Variants in HECW2 observed in about 807,000 individuals in gnomAD.
HECW2 encodes HECT, C2 and WW domain containing E3 ubiquitin protein ligase 2.
Under a neutral mutation model 175.2 loss-of-function variants are expected in HECW2, and 61 were observed. That is an observed-to-expected ratio of 0.35 (90% confidence interval 0.28 to 0.43). The LOEUF (loss-of-function observed/expected upper bound fraction) is 0.43, where lower values mean the gene tolerates loss of function less well. HECW2 is among the 20% of genes least tolerant of loss of function. HECW2 has a pLI of 1.00. For synonymous variants in HECW2, 671 were observed against 731.0 expected, an observed-to-expected ratio of 0.92 and a Z score of 1.32; for missense variants, 1,524 against 2,000.5, an observed-to-expected ratio of 0.76 and a Z score of 4.54.
intron 14 of HECW2, among the ~76,000 whole-genome samples, chr2:196,282,777 GTC>G (rs1690235305): frequency 6.6e-6 from 1 of 152,088 alleles, no homozygotes; most frequent in Admixed American, 6.5e-5. Flanking sequence ...CAGTCTTAAG[GTC>G]TCTGTGTTGG....
chr2:196,273,898 G>A (rs985652481), intron 16 of HECW2, 123 bp downstream of exon 16: 26 of 636,512 alleles, frequency 4.1e-5, no homozygotes, highest in Non-Finnish European at 5.5e-5. Flanking sequence ...TAAGGATAAT[G>A]CAGCAATTTC....
intron 1 of HECW2, among the ~76,000 whole-genome samples, chr2:196,540,366 T>C (rs1689169561): frequency 1.3e-5 from 2 of 152,230 alleles, no homozygotes; most frequent in South Asian, 4.1e-4. Flanking sequence ...GTCAATGACA[T>C]TGATCAGAAT....
At chr2:196,572,137 G>GAGGGACACA (rs1302138764) in intron 1 of HECW2, among the ~76,000 whole-genome samples, 4 of 152,156 alleles carry the variant, frequency 2.6e-5, no homozygotes, top group Non-Finnish European at 4.4e-5. Context: ...ACTGATGGAA[G>GAGGGACACA]AGGGACACAG....
At chr2:196,389,622 A>C (rs1193092881) in intron 2 of HECW2, among the ~76,000 whole-genome samples, 1 of 152,130 alleles carries the variant, frequency 6.6e-6, no homozygotes, top group African/African-American at 2.4e-5. Context: ...AAGAGTCTTG[A>C]CCTTGTCAGG....
intron 3 of HECW2, among the ~76,000 whole-genome samples, chr2:196,343,374 A>AT (rs925622794): frequency 7.3e-5 from 11 of 151,462 alleles, no homozygotes; most frequent in Middle Eastern, 3.4e-3. Context: ...ACAAAATGAC[A>AT]TTTTTTTTTC....
intron 2 of HECW2, chr2:196,362,126 A>C: frequency 5.1e-6 from 5 of 985,346 alleles, no homozygotes; most frequent in Non-Finnish European, 6.0e-6. Flanking sequence ...AATGACACTA[A>C]AAGCCACTCC....
At chr2:196,450,489 ATTTTT>A (rs34937207) in intron 1 of HECW2, among the ~76,000 whole-genome samples, 1 of 135,482 alleles carries the variant, frequency 7.4e-6, no homozygotes. Context: ...CAAATATCAG[ATTTTT>A]TTTTTTTTTT....
intron 1 of HECW2, among the ~76,000 whole-genome samples, chr2:196,473,310 C>A (rs1163621480): frequency 6.6e-6 from 1 of 152,210 alleles, no homozygotes; most frequent in Non-Finnish European, 1.5e-5. Flanking sequence ...AAAATCCTTT[C>A]AATTTCTAGG....
Position 196,247,657 on chromosome 2 carries a change from C to T in HECW2, c.3530-5453G>A, listed in dbSNP as rs1034373906. Among the ~76,000 whole-genome samples, 5 of 152,090 alleles carry T rather than the reference C, an allele frequency of 3.3e-5. No individual in the cohort carries two copies. The East Asian group carries it at 5.8e-4, about 18-fold the overall frequency. ...CTAAAGAACTTCTATATTGTGTTACCCTATTTTCATATACTGTTACAAAAT... is the reference window on the plus strand; with the variant it reads ...CTAAAGAACTTCTATATTGTGTTACTCTATTTTCATATACTGTTACAAAAT... On this transcript the variant is annotated intron_variant, in intron 19 of 28. Transcript: ENST00000644978.
chr2:196,412,665 C>T (rs924777987), intron 2 of HECW2, among the ~76,000 whole-genome samples: 66 of 152,346 alleles, frequency 4.3e-4, no homozygotes, highest in African/African-American at 1.5e-3. Context: ...GTCCCCTTCA[C>T]AATTACTGCC....
intron 13 of HECW2, among the ~76,000 whole-genome samples, chr2:196,293,826 G>T (rs1326599899): frequency 6.6e-6 from 1 of 152,138 alleles, no homozygotes; most frequent in Admixed American, 6.5e-5. Context: ...ACACTTAAGG[G>T]CCAAGTTGCA....
chr2:196,284,239 A>G (rs143780866), intron 14 of HECW2, among the ~76,000 whole-genome samples: 52 of 152,336 alleles, frequency 3.4e-4, no homozygotes, highest in Middle Eastern at 3.4e-3. Flanking sequence ...CATGCTCTAC[A>G]TACTGCGTCC....
At chr2:196,541,874 C>A (rs1689227783) in intron 1 of HECW2, among the ~76,000 whole-genome samples, 1 of 151,854 alleles carries the variant, frequency 6.6e-6, no homozygotes, top group South Asian at 2.1e-4. Context: ...CAAGAACTAT[C>A]TAAAGGAATA....
chr2:196,414,364 CA>C (rs1474299474), intron 2 of HECW2, among the ~76,000 whole-genome samples: 1 of 152,162 alleles, frequency 6.6e-6, no homozygotes, highest in Admixed American at 6.5e-5. Flanking sequence ...TCTCCATTTC[CA>C]ACTTGAAAAA....
intron 14 of HECW2, 146 bp downstream of exon 14, chr2:196,292,419 T>A: frequency 1.5e-6 from 1 of 668,546 alleles, no homozygotes. Flanking sequence ...ACAAACAACC[T>A]GCTGTCCAGG....
chr2:196,282,163 T>A (rs1690212616), intron 14 of HECW2, among the ~76,000 whole-genome samples: 1 of 152,210 alleles, frequency 6.6e-6, no homozygotes, highest in East Asian at 1.9e-4. Flanking sequence ...AGGCTCCTTG[T>A]AAGTATGTGT....
chr2:196,258,086 G>T lies in HECW2; in HGVS notation c.3336-180C>A. On this transcript the variant is annotated intron_variant, in intron 17 of 28. Transcript: ENST00000644978. ...GACATGGTCTTTGCCTTCAAGGGGG[G>T]GGATCTTGTAAGCATCAACACCTCC... is the stretch of plus-strand genomic sequence containing the variant. 3 of 562,100 alleles carry T rather than the reference G, an allele frequency of 5.3e-6. No individual in the cohort carries two copies. In the South Asian group the frequency reaches 6.9e-5, roughly 13 times the overall value. The allele number at this position is 562,100 out of a possible 1,614,324, so 34.8% of individuals were successfully genotyped here. A position where few individuals can be genotyped will look rare whatever the true frequency, so the allele number is the denominator to read the frequency against.
intron 2 of HECW2, among the ~76,000 whole-genome samples, chr2:196,413,833 C>T (rs1426238911): frequency 6.6e-6 from 1 of 152,202 alleles, no homozygotes; most frequent in Non-Finnish European, 1.5e-5. Flanking sequence ...TACAGTTACA[C>T]TGCCCACCCA....
At chr2:196,224,468 T>C (rs1179696532) in intron 23 of HECW2, among the ~76,000 whole-genome samples, 1 of 151,910 alleles carries the variant, frequency 6.6e-6, no homozygotes, top group East Asian at 1.9e-4. Flanking sequence ...TGATAGAAGC[T>C]TCAGGTACAC....
Sources: gnomAD v4.1 joint callset for allele counts (sites outside exome capture counted in the v4.1 genomes callset) on GRCh38, gnomAD v4.1.1 for gene constraint, MANE v1.5 for transcripts, NCBI Gene and HGNC (gene_info 2026-07-23, HGNC 2026-07-21) for gene names.